The following CACNA1B variants were observed in gnomAD, a reference collection of about 807,000 sequenced individuals.
The protein encoded by CACNA1B is calcium voltage-gated channel subunit alpha1 B, also known as voltage-dependent N-type calcium channel subunit alpha-1B.
In CACNA1B, 70 loss-of-function variants were observed where a neutral mutation model predicts 247.2. That is an observed-to-expected ratio of 0.28 (90% CI 0.23 to 0.35). The LOEUF is 0.35. Ranked by LOEUF, CACNA1B falls within the 10% of genes least tolerant of loss-of-function variation. The pLI is 1.00. For missense variants in CACNA1B, 2,367 were observed against 3,197.4 expected, an observed-to-expected ratio of 0.74 and a Z score of 6.26; for synonymous variants, 1,231 against 1,294.4, an observed-to-expected ratio of 0.95 and a Z score of 1.05.
chr9:138,111,685 T>C (rs1401125774), intron 39 of CACNA1B, among the ~76,000 whole-genome samples: 9 of 152,254 alleles, frequency 5.9e-5, no homozygotes. Context: ...CCAATTATTT[T>C]ATTCCTCTGC....
intron 40 of CACNA1B, among the ~76,000 whole-genome samples, chr9:138,112,833 G>A (rs561375549): frequency 6.6e-6 from 1 of 152,348 alleles, no homozygotes; most frequent in South Asian, 2.1e-4. Context: ...AGACGTGAGG[G>A]AGCGCGGGGA....
At chr9:138,002,805 T>C (rs1379855008) in intron 15 of CACNA1B, among the ~76,000 whole-genome samples, 1 of 151,886 alleles carries the variant, frequency 6.6e-6, no homozygotes, top group African/African-American at 2.4e-5. Flanking sequence ...TTCTTTTCTT[T>C]TCTTTTCTTT....
At chr9:138,063,113 T>C (rs1313673010) in intron 31 of CACNA1B, among the ~76,000 whole-genome samples, 1 of 152,226 alleles carries the variant, frequency 6.6e-6, no homozygotes, top group Non-Finnish European at 1.5e-5. Flanking sequence ...ACATCATCAG[T>C]GTGGTGGACC....
intron 35 of CACNA1B, 46 bp downstream of exon 35, chr9:138,075,956 G>T (rs1244628294): frequency 7.8e-7 from 1 of 1,281,598 alleles, no homozygotes; most frequent in Non-Finnish European, 1.1e-6. Context: ...CTTCCGTCGG[G>T]GGCTGCTTTA....
Position 137,990,740 on chromosome 9 carries a change from C to T in CACNA1B, c.1974+3886C>T, listed in dbSNP as rs1252862717. The stretch of plus-strand genomic sequence containing the variant: ...CCCCACCAGAGCAGGTGCTGGTATC[C>T]GCACCTGAAAGACCTGAAGATGGAT... On this transcript the variant is annotated intron_variant, in intron 15 of 46. Coordinates refer to ENST00000371372, the MANE Select transcript of CACNA1B (RefSeq NM_000718.4). The surrounding 1 kb of genome is among the most constrained non-coding windows in gnomAD (Gnocchi z 4.5). Among the ~76,000 whole-genome samples, 1 of 152,166 alleles carries T rather than the reference C, an allele frequency of 6.6e-6. No individual in the cohort carries two copies. Among genetic ancestry groups the T allele is most frequent in the Non-Finnish European group, 1.5e-5 (1 of 68,024 alleles).
rs1045799209 is a variant in CACNA1B, at chr9:138,054,087, A to G, written c.3968+81A>G. The G allele has an allele frequency of 7.7e-5, 105 of 1,366,954 alleles. No individual in the cohort carries two copies. Among genetic ancestry groups the G allele is most frequent in the Non-Finnish European group, 9.3e-6 (9 of 962,780 alleles). 84.7% of individuals were successfully genotyped at this position (1,366,954 alleles called of 1,614,324 possible). ...TGGGAGTTCCCTTGGGACCAGGTGG[A>G]GCTGGTCACACGGCGTGGGAGACTC... is the stretch of plus-strand genomic sequence containing the variant. On this transcript the variant is annotated intron_variant, in intron 26 of 46. Coordinates refer to ENST00000371372, the MANE Select transcript of CACNA1B (RefSeq NM_000718.4). This position sits in a 1 kb window ranked among gnomAD's most constrained non-coding sequence, Gnocchi z 4.6.
At chr9:138,036,162 CG>C (rs912093929) in intron 20 of CACNA1B, among the ~76,000 whole-genome samples, 3 of 151,190 alleles carry the variant, frequency 2.0e-5, no homozygotes, top group Non-Finnish European at 2.9e-5. Flanking sequence ...GTTTTTGAGA[CG>C]GAGTCTCGCT....
At chr9:138,041,580 T>C (rs762110830) in intron 20 of CACNA1B, among the ~76,000 whole-genome samples, 31 of 152,312 alleles carry the variant, frequency 2.0e-4, no homozygotes, top group Non-Finnish European at 3.5e-4. Context: ...TTTGACTCAA[T>C]TGACATTTTT....
chr9:137,999,773 T>A (rs1477888287), intron 15 of CACNA1B, among the ~76,000 whole-genome samples: 1 of 152,110 alleles, frequency 6.6e-6, no homozygotes, highest in East Asian at 1.9e-4. Context: ...CCTCCCAAAG[T>A]GCTGGTAATG....
At position 138,121,907 on chromosome 9, in the gene CACNA1B, G is replaced by C; in HGVS notation, c.6928G>C (p.Val2310Leu). The change falls in exon 47 of 47, where the codon GTG becomes CTG. Residue 2310 changes from valine to leucine, a missense_variant. Physicochemically the swap from Val to Leu is conservative, Grantham distance 32. Coordinates refer to ENST00000371372, the MANE Select transcript of CACNA1B (RefSeq NM_000718.4). The surrounding 1 kb of genome is among the most constrained non-coding windows in gnomAD (Gnocchi z 6.8). ...LTSQSHPLRR[V>L]PNGYHCTLGL... Reference sequence around the variant, plus strand: ...CTCCCAGTCTCACCCTCTCCGCCGCGTGCCCAACGGTTACCACTGCACCCT... The same window carrying C: ...CTCCCAGTCTCACCCTCTCCGCCGCCTGCCCAACGGTTACCACTGCACCCT... The C allele has an allele frequency of 6.2e-7, 1 of 1,611,588 alleles. No individual in the cohort carries two copies. The highest frequency in any genetic ancestry group is 8.5e-7 in the Non-Finnish European group (1 of 1,179,844).
intron 31 of CACNA1B, among the ~76,000 whole-genome samples, chr9:138,068,786 T>C (rs945525082): frequency 1.3e-5 from 2 of 152,108 alleles, no homozygotes; most frequent in African/African-American, 2.4e-5. Flanking sequence ...ACGTCAGAGA[T>C]GTGCAGAGAG....
At chr9:137,928,380 G>A (rs1383683151) in intron 6 of CACNA1B, among the ~76,000 whole-genome samples, 1 of 152,144 alleles carries the variant, frequency 6.6e-6, no homozygotes, top group Non-Finnish European at 1.5e-5. Flanking sequence ...ACAGGCGTGA[G>A]CCCCACCGTG....
At chr9:138,076,989 C>T (rs931411502) in intron 35 of CACNA1B, among the ~76,000 whole-genome samples, 1 of 152,184 alleles carries the variant, frequency 6.6e-6, no homozygotes, top group Non-Finnish European at 1.5e-5. Context: ...AATTTTATCT[C>T]ATCATTTATT....
At chr9:137,892,364 A>G (rs1957114151) in intron 3 of CACNA1B, 1 of 456,566 alleles carries the variant, frequency 2.2e-6, no homozygotes, top group African/African-American at 2.0e-5. Flanking sequence ...GATGGACCCC[A>G]GACCCTGGGG....
chr9:137,965,559 G>A (rs1958064787), intron 10 of CACNA1B, among the ~76,000 whole-genome samples: 2 of 151,666 alleles, frequency 1.3e-5, no homozygotes, highest in East Asian at 1.9e-4. Flanking sequence ...GTGCATGCCT[G>A]TAGTCCTACT....
chr9:138,005,200 G>A (rs538706764), intron 15 of CACNA1B, among the ~76,000 whole-genome samples: 9 of 152,348 alleles, frequency 5.9e-5, no homozygotes, highest in Admixed American at 1.3e-4. Context: ...CAGTAGCAAA[G>A]ATAAGGGATC....
At chr9:137,902,759 C>T (rs1046233367) in intron 3 of CACNA1B, among the ~76,000 whole-genome samples, 33 of 152,150 alleles carry the variant, frequency 2.2e-4, no homozygotes, top group African/African-American at 7.2e-4. Context: ...AGGGCTACTG[C>T]GGGCACCCCC....
At chr9:137,995,310 A>G (rs1309179648) in intron 15 of CACNA1B, among the ~76,000 whole-genome samples, 2 of 152,210 alleles carry the variant, frequency 1.3e-5, no homozygotes, top group Non-Finnish European at 2.9e-5. Flanking sequence ...TCACCAAAAC[A>G]CCATGGTACT....
intron 36 of CACNA1B, among the ~76,000 whole-genome samples, chr9:138,087,705 C>A (rs1960743409): frequency 1.0e-5 from 1 of 98,746 alleles, no homozygotes; most frequent in Non-Finnish European, 1.8e-5. Flanking sequence ...CAGAGTGAGA[C>A]TCCGTCTCAA....
Sources: allele counts gnomAD v4.1 joint callset (sites outside exome capture counted in the v4.1 genomes callset), GRCh38; gene constraint gnomAD v4.1.1; non-coding constraint Gnocchi (gnomAD v3.1); transcripts MANE v1.5; gene names NCBI Gene and HGNC (gene_info 2026-07-23, HGNC 2026-07-21).